DLG2: variants seen among roughly 807,000 people sequenced by gnomAD.
The protein encoded by DLG2 is discs large MAGUK scaffold protein 2.
Under a neutral mutation model 132.5 loss-of-function variants are expected in DLG2, and 45 were observed. The observed-to-expected ratio is 0.34, with a 90% CI of 0.27 to 0.44. The LOEUF is 0.44. DLG2 is among the 20% of genes least tolerant of loss of function. The pLI is 1.00. For synonymous variants in DLG2, 424 were observed against 419.6 expected (o/e 1.01, Z -0.13); for missense variants, 1,045 against 1,196.9 (o/e 0.87, Z 1.87).
intron 20 of DLG2, among the ~76,000 whole-genome samples, chr11:83,536,897 T>G (rs1337799956): frequency 6.6e-6 from 1 of 152,160 alleles, no homozygotes; most frequent in Non-Finnish European, 1.5e-5. Flanking sequence ...AGAATCTAGG[T>G]AAAAGTCTAG....
At chr11:84,081,939 T>A (rs534065548) in intron 10 of DLG2, among the ~76,000 whole-genome samples, 48 of 152,262 alleles carry the variant, frequency 3.2e-4, no homozygotes, top group African/African-American at 1.1e-3. Flanking sequence ...CCACCAACAG[T>A]GTATGTAAAA....
At chr11:85,333,215 C>T (rs1169589181) in intron 3 of DLG2, among the ~76,000 whole-genome samples, 1 of 151,964 alleles carries the variant, frequency 6.6e-6, no homozygotes, top group Non-Finnish European at 1.5e-5. Flanking sequence ...TGTAAATGGG[C>T]TTGTGTTCTT....
At chr11:85,169,267 T>G (rs1447354471) in intron 4 of DLG2, among the ~76,000 whole-genome samples, 1 of 152,162 alleles carries the variant, frequency 6.6e-6, no homozygotes, top group African/African-American at 2.4e-5. Context: ...GCAGAACCTG[T>G]GGCTAAGAGA....
chr11:84,576,973 G>C (rs951487611), intron 6 of DLG2, among the ~76,000 whole-genome samples: 2 of 152,138 alleles, frequency 1.3e-5, no homozygotes, highest in African/African-American at 4.8e-5. Flanking sequence ...TTGTGGGAGG[G>C]ACTCGGGGAG....
At chr11:83,514,778 T>C (rs1462227094) in intron 21 of DLG2, among the ~76,000 whole-genome samples, 1 of 152,192 alleles carries the variant, frequency 6.6e-6, no homozygotes, top group African/African-American at 2.4e-5. Flanking sequence ...TCTGCATCTA[T>C]TGAGACAATC....
At chr11:83,534,654 G>T (rs144545179) in intron 20 of DLG2, among the ~76,000 whole-genome samples, 176 of 152,338 alleles carry the variant, frequency 1.2e-3, no homozygotes, top group African/African-American at 4.0e-3. Context: ...ACAATGTAAG[G>T]CCGGGTGCGG....
intron 11 of DLG2, among the ~76,000 whole-genome samples, chr11:84,005,718 G>C (rs1400259224): frequency 6.6e-6 from 1 of 151,012 alleles, no homozygotes; most frequent in Non-Finnish European, 1.5e-5. Context: ...TTCAAATAAA[G>C]ATGCTCAAGA....
chr11:84,516,136 G>A (rs544250876), intron 7 of DLG2, among the ~76,000 whole-genome samples: 2 of 142,770 alleles, frequency 1.4e-5, no homozygotes, highest in East Asian at 2.0e-4. Context: ...CAAAAAAAAA[G>A]ATCTCAAATA....
At chr11:85,617,186 C>A (rs978619844) in intron 2 of DLG2, among the ~76,000 whole-genome samples, 1 of 152,168 alleles carries the variant, frequency 6.6e-6, no homozygotes, top group Non-Finnish European at 1.5e-5. Flanking sequence ...CTTTTAGTAG[C>A]CAAATCTTCT....
At chr11:84,234,668 C>T (rs1265577045) in intron 8 of DLG2, among the ~76,000 whole-genome samples, 1 of 152,278 alleles carries the variant, frequency 6.6e-6, no homozygotes, top group African/African-American at 2.4e-5. Context: ...CTTCATTAAT[C>T]CCTCCTCCTC....
intron 6 of DLG2, among the ~76,000 whole-genome samples, chr11:84,873,293 A>G (rs1450997257): frequency 6.6e-6 from 1 of 152,200 alleles, no homozygotes; most frequent in African/African-American, 2.4e-5. Flanking sequence ...AAAAGCCACA[A>G]GCAAAGAAAT....
At chr11:85,242,348 G>A (rs935571473) in intron 4 of DLG2, among the ~76,000 whole-genome samples, 1 of 151,298 alleles carries the variant, frequency 6.6e-6, no homozygotes, top group African/African-American at 2.4e-5. Flanking sequence ...TATGTTTAAT[G>A]TTTTCTATTA....
intron 3 of DLG2, among the ~76,000 whole-genome samples, chr11:85,509,476 A>T (rs2094008308): frequency 6.6e-6 from 1 of 152,062 alleles, no homozygotes; most frequent in South Asian, 2.1e-4. Context: ...GCAAGCAACC[A>T]GGACGGTGGA....
At position 84,807,315 on chromosome 11, in the gene DLG2, G is replaced by A. The variant is rs185540930; in HGVS notation, c.358-272584C>T. On this transcript the variant is annotated intron_variant, in intron 6 of 27. Transcript: ENST00000376104. ...ACAAAAATTAGTCAGGCATGGTGGTGGGTGCCTGTAATCCCAGCTACTCAG... is the reference window on the plus strand; with the variant it reads ...ACAAAAATTAGTCAGGCATGGTGGTAGGTGCCTGTAATCCCAGCTACTCAG... Among the ~76,000 whole-genome samples the A allele has an allele frequency of 2.8e-4, 43 of 152,084 alleles. 2 individuals carry two copies. In the East Asian group the frequency reaches 8.2e-3, roughly 29 times the overall value.
chr11:84,038,424 T>C (rs997265773), intron 11 of DLG2, among the ~76,000 whole-genome samples: 2 of 151,846 alleles, frequency 1.3e-5, no homozygotes, highest in South Asian at 4.1e-4. Context: ...ATTAGAGAAA[T>C]GTAAATCAAA....
intron 3 of DLG2, among the ~76,000 whole-genome samples, chr11:85,413,665 T>A (rs2089548237): frequency 6.6e-6 from 1 of 152,084 alleles, no homozygotes; most frequent in African/African-American, 2.4e-5. Flanking sequence ...AAAGGTGTCC[T>A]TTCCACACTT....
chr11:85,111,688 AG>A lies in DLG2; in HGVS notation c.329del (p.Pro110LeufsTer28), dbSNP rs779653803. ...TACAGTGGTGGACAGGCATCCAAGC[AG>A]GGGCTTCCACTGAACAATTCTGGGC... ...CPAQNCSVEAPAWMPVHHCTK... is the reference protein window; with the variant it reads ...CPAQNCSVEAXAWMPVHHCTK... On this transcript the variant is annotated frameshift_variant, in exon 6 of 28. Coordinates refer to ENST00000376104, the MANE Select transcript of DLG2 (RefSeq NM_001142699.3). LOFTEE classifies it high-confidence loss of function. 6.4e-7 allele frequency: 1 copy of A among 1,566,236 alleles called. No individual in the cohort carries two copies.
At chr11:84,106,847 G>A (rs1019980212) in intron 9 of DLG2, among the ~76,000 whole-genome samples, 2 of 130,302 alleles carry the variant, frequency 1.5e-5, no homozygotes, top group African/African-American at 5.8e-5. Context: ...GTGTGTTTGA[G>A]TGAGTGTGTG....
intron 6 of DLG2, among the ~76,000 whole-genome samples, chr11:84,912,234 C>T (rs2092133003): frequency 6.6e-6 from 1 of 152,222 alleles, no homozygotes; most frequent in Non-Finnish European, 1.5e-5. Flanking sequence ...CGGCTCACTG[C>T]AAGCGCCACC....
Sources: gnomAD v4.1 joint callset for allele counts (sites outside exome capture counted in the v4.1 genomes callset) on GRCh38, gnomAD v4.1.1 for gene constraint, MANE v1.5 for transcripts, NCBI Gene and HGNC (gene_info 2026-07-23, HGNC 2026-07-21) for gene names.